EPM2A: variants seen among roughly 807,000 people sequenced by gnomAD.
The protein encoded by EPM2A is laforin.
A neutral mutation model predicts 26.5 loss-of-function variants in EPM2A; 21 were observed. The ratio of observed to expected loss-of-function variants is 0.79; its 90% CI spans 0.56 to 1.14. The LOEUF (loss-of-function observed/expected upper bound fraction) is 1.14, where lower values mean the gene tolerates loss of function less well. Among genes scored for constraint, EPM2A ranks in the 50% most tolerant of loss-of-function variants. The probability of loss-of-function intolerance (pLI) is 0.00; values close to 1 mark genes in which losing one functional copy is unlikely to be tolerated. For missense variants in EPM2A, 458 were observed against 440.8 expected (o/e 1.04, Z -0.35); for synonymous variants, 217 against 177.6 (o/e 1.22, Z -1.76).
chr6:145,396,670 C>T (rs766313043), intron 4 of EPM2A, among the ~76,000 whole-genome samples: 19 of 152,166 alleles, frequency 1.2e-4, no homozygotes, highest in Non-Finnish European at 2.1e-4. Flanking sequence ...CCTCAGTAAA[C>T]CCCTAAACTC....
At chr6:145,534,938 G>A (rs1011472294) in intron 2 of EPM2A, among the ~76,000 whole-genome samples, 7 of 152,186 alleles carry the variant, frequency 4.6e-5, no homozygotes, top group Non-Finnish European at 8.8e-5. Flanking sequence ...GATGATCACC[G>A]GCAATGTTGA....
At chr6:145,422,309 A>T (rs1000409699) in intron 4 of EPM2A, among the ~76,000 whole-genome samples, 1 of 147,296 alleles carries the variant, frequency 6.8e-6, no homozygotes, top group Non-Finnish European at 1.5e-5. Context: ...AAATATATAT[A>T]TTTTTGTGTG....
chr6:145,680,660 T>C (rs1210959561), intron 2 of EPM2A, among the ~76,000 whole-genome samples: 2 of 152,114 alleles, frequency 1.3e-5, no homozygotes, highest in African/African-American at 2.4e-5. Flanking sequence ...TTTGTCCTTG[T>C]GATACTTTGC....
intron 2 of EPM2A, among the ~76,000 whole-genome samples, chr6:145,677,988 A>T (rs1780195167): frequency 6.6e-6 from 1 of 152,234 alleles, no homozygotes; most frequent in South Asian, 2.1e-4. Context: ...ATAAGCAAAA[A>T]GACCAAAGCT....
intron 2 of EPM2A, among the ~76,000 whole-genome samples, chr6:145,596,084 ATGTT>A (rs1781340103): frequency 1.3e-5 from 2 of 152,226 alleles, no homozygotes. Flanking sequence ...TCAAGGAAGT[ATGTT>A]TGTATCTTTA....
At chr6:145,612,563 C>G (rs2128552358) in intron 2 of EPM2A, among the ~76,000 whole-genome samples, 1 of 151,958 alleles carries the variant, frequency 6.6e-6, no homozygotes, top group South Asian at 2.1e-4. Flanking sequence ...ACAACACAGG[C>G]AAACCTCAGA....
chr6:145,573,411 A>G (rs1274663740), intron 2 of EPM2A, among the ~76,000 whole-genome samples: 2 of 152,242 alleles, frequency 1.3e-5, no homozygotes, highest in East Asian at 1.9e-4. Flanking sequence ...TGCTCAAGCA[A>G]TGAAACCACA....
chr6:145,732,007 G>C (rs1490742083), intron 1 of EPM2A, among the ~76,000 whole-genome samples: 2 of 152,144 alleles, frequency 1.3e-5, no homozygotes, highest in African/African-American at 4.8e-5. Context: ...GATCAATCAA[G>C]TGGGAAAGCC....
At chr6:145,468,496 C>T (rs1779429433) in intron 4 of EPM2A, among the ~76,000 whole-genome samples, 1 of 151,934 alleles carries the variant, frequency 6.6e-6, no homozygotes, top group Non-Finnish European at 1.5e-5. Context: ...GGATATATAA[C>T]AAATATCTAA....
intron 1 of EPM2A, among the ~76,000 whole-genome samples, chr6:145,696,227 T>C (rs762197612): frequency 2.4e-4 from 36 of 151,910 alleles, no homozygotes; most frequent in Non-Finnish European, 8.8e-5. Flanking sequence ...TTCAGACAAA[T>C]GATAATGGGT....
intron 4 of EPM2A, among the ~76,000 whole-genome samples, chr6:145,482,280 A>C (rs898929677): frequency 8.5e-5 from 13 of 152,146 alleles, no homozygotes; most frequent in Admixed American, 3.9e-4. Context: ...CAGCTTTAAC[A>C]CTAAGGCTTA....
chr6:145,416,010 G>A (rs13199909), intron 4 of EPM2A, among the ~76,000 whole-genome samples: 17,960 of 152,188 alleles, frequency 0.12, 1,134 homozygotes, highest in South Asian at 0.24. Context: ...GTTGTACTGT[G>A]CTCTGGGCCC....
chr6:145,540,789 C>G (rs1780496345), intron 2 of EPM2A, among the ~76,000 whole-genome samples: 1 of 152,078 alleles, frequency 6.6e-6, no homozygotes, highest in Admixed American at 6.6e-5. Context: ...GTCCTAAAAT[C>G]ACTTCAAAAT....
At chr6:145,724,950 C>T (rs1298886327) in intron 1 of EPM2A, among the ~76,000 whole-genome samples, 1 of 151,606 alleles carries the variant, frequency 6.6e-6, no homozygotes, top group Non-Finnish European at 1.5e-5. Flanking sequence ...TTGTTCAATA[C>T]CAAAAGCATA....
intron 1 of EPM2A, among the ~76,000 whole-genome samples, chr6:145,714,911 C>A (rs928248025): frequency 1.3e-5 from 2 of 152,158 alleles, no homozygotes; most frequent in African/African-American, 4.8e-5. Context: ...CAAACCACAT[C>A]AACAAGTAAG....
intron 2 of EPM2A, among the ~76,000 whole-genome samples, chr6:145,658,872 A>T (rs963481442): frequency 1.3e-5 from 2 of 151,968 alleles, no homozygotes; most frequent in African/African-American, 4.8e-5. Flanking sequence ...CCATTTTCCT[A>T]TTGTGTTTGT....
intron 2 of EPM2A, among the ~76,000 whole-genome samples, chr6:145,610,018 C>A (rs1455987358): frequency 1.3e-5 from 2 of 152,012 alleles, no homozygotes; most frequent in African/African-American, 4.8e-5. Context: ...AGTTCAAGAC[C>A]AGCCTGGCCA....
chr6:145,446,305 A>G (rs1779128118), intron 4 of EPM2A, among the ~76,000 whole-genome samples: 1 of 152,230 alleles, frequency 6.6e-6, no homozygotes, highest in South Asian at 2.1e-4. Flanking sequence ...AAGTAACTGA[A>G]ACACTATGAT....
At chr6:145,561,679 A>C (rs1360560338) in intron 2 of EPM2A, among the ~76,000 whole-genome samples, 1 of 152,122 alleles carries the variant, frequency 6.6e-6, no homozygotes, top group Non-Finnish European at 1.5e-5. Flanking sequence ...CTGTTGCATG[A>C]TTGAATGCAT....
Sources: gnomAD v4.1 joint callset for allele counts (sites outside exome capture counted in the v4.1 genomes callset) on GRCh38, gnomAD v4.1.1 for gene constraint, MANE v1.5 for transcripts, NCBI Gene and HGNC (gene_info 2026-07-23, HGNC 2026-07-21) for gene names.